MTUS2: variants seen among roughly 807,000 people sequenced by gnomAD.
The protein encoded by MTUS2 is microtubule associated scaffold protein 2.
MTUS2 carries 40 observed loss-of-function variants against 114.1 expected under a neutral mutation model. The observed-to-expected ratio is 0.35, with a 90% CI of 0.27 to 0.46. MTUS2 has a LOEUF of 0.46. Among genes scored for constraint, MTUS2 ranks in the 20% least tolerant of loss-of-function variants. The pLI is 1.00. For missense variants in MTUS2, 1,679 were observed against 1,705.4 expected (o/e 0.98, Z 0.27); for synonymous variants, 688 against 672.0 (o/e 1.02, Z -0.37).
chr13:28,915,259 G>A (rs1880681979), intron 2 of MTUS2, among the ~76,000 whole-genome samples: 1 of 151,916 alleles, frequency 6.6e-6, no homozygotes, highest in African/African-American at 2.4e-5. Flanking sequence ...AGAAACATAG[G>A]AGTGCAGATA....
intron 8 of MTUS2, among the ~76,000 whole-genome samples, chr13:29,381,964 C>T (rs59686398): frequency 0.12 from 18,819 of 152,150 alleles, 1,404 homozygotes; most frequent in African/African-American, 0.21. Flanking sequence ...ATAATCATTG[C>T]GTGTCTCCTG....
intron 6 of MTUS2, among the ~76,000 whole-genome samples, chr13:29,291,838 A>G (rs1022657548): frequency 1.3e-5 from 2 of 150,842 alleles, no homozygotes; most frequent in African/African-American, 4.9e-5. Flanking sequence ...GGGAAAACAA[A>G]GCAGAAACTC....
chr13:29,371,873 A>G (rs531015550), intron 8 of MTUS2, among the ~76,000 whole-genome samples: 33 of 151,402 alleles, frequency 2.2e-4, no homozygotes, highest in African/African-American at 7.7e-4. Flanking sequence ...TGTGCAGATA[A>G]TTTCTGGAGG....
intron 12 of MTUS2, among the ~76,000 whole-genome samples, chr13:29,495,914 ATGTG>A (rs59958046): frequency 1.1e-4 from 16 of 148,316 alleles, no homozygotes; most frequent in South Asian, 4.3e-4. Flanking sequence ...CTCTCTTTAT[ATGTG>A]TGTGTGTGTG....
chr13:28,824,829 T>C (rs552485883), intron 1 of MTUS2, among the ~76,000 whole-genome samples: 44 of 152,342 alleles, frequency 2.9e-4, no homozygotes, highest in South Asian at 1.0e-3. Context: ...GGTTAAGTAC[T>C]TAATATATCA....
intron 5 of MTUS2, among the ~76,000 whole-genome samples, chr13:29,156,261 T>C (rs1157990680): frequency 1.3e-5 from 2 of 152,190 alleles, no homozygotes; most frequent in African/African-American, 4.8e-5. Flanking sequence ...AACTGGAAAG[T>C]TGACAGCATT....
At chr13:29,282,679 T>C (rs1898321554) in intron 6 of MTUS2, among the ~76,000 whole-genome samples, 1 of 152,230 alleles carries the variant, frequency 6.6e-6, no homozygotes, top group African/African-American at 2.4e-5. Flanking sequence ...TCACCATAGA[T>C]GGCTCATCCA....
chr13:29,488,969 T>C (rs1233215849), intron 11 of MTUS2, among the ~76,000 whole-genome samples: 1 of 152,170 alleles, frequency 6.6e-6, no homozygotes, highest in Non-Finnish European at 1.5e-5. Flanking sequence ...TACTTTTCCC[T>C]CCCAGTCAGC....
intron 4 of MTUS2, among the ~76,000 whole-genome samples, chr13:29,052,995 A>G (rs137971021): frequency 6.6e-6 from 1 of 152,260 alleles, no homozygotes; most frequent in African/African-American, 2.4e-5. Context: ...GTGAAGAGGT[A>G]CCTTCCTTCA....
At chr13:29,087,636 G>A (rs2138759802) in intron 4 of MTUS2, among the ~76,000 whole-genome samples, 1 of 152,270 alleles carries the variant, frequency 6.6e-6, no homozygotes, top group Admixed American at 6.5e-5. Flanking sequence ...GTGAAAAATG[G>A]CATTGATAGT....
intron 4 of MTUS2, among the ~76,000 whole-genome samples, chr13:29,090,420 G>T (rs1318945933): frequency 6.6e-6 from 1 of 152,158 alleles, no homozygotes; most frequent in South Asian, 2.1e-4. Flanking sequence ...CTGGGGTCGT[G>T]GGGGCTGCAG....
At chr13:29,031,207 T>A (rs954387176) in intron 3 of MTUS2, among the ~76,000 whole-genome samples, 1 of 121,502 alleles carries the variant, frequency 8.2e-6, no homozygotes, top group Non-Finnish European at 1.7e-5. Context: ...ACTGCATCGA[T>A]TGGGGTTTGC....
At chr13:28,929,747 A>G (rs149704256) in intron 2 of MTUS2, among the ~76,000 whole-genome samples, 9 of 152,212 alleles carry the variant, frequency 5.9e-5, no homozygotes, top group African/African-American at 9.6e-5. Flanking sequence ...AGCACCTGCT[A>G]AGTGTCAGGT....
intron 5 of MTUS2, among the ~76,000 whole-genome samples, chr13:29,215,248 T>C (rs1895628284): frequency 6.6e-6 from 1 of 151,970 alleles, no homozygotes; most frequent in African/African-American, 2.4e-5. Flanking sequence ...GGTTGTTCTA[T>C]ATAGCAGTTC....
At chr13:28,946,987 T>A (rs1882565505) in intron 2 of MTUS2, among the ~76,000 whole-genome samples, 1 of 152,192 alleles carries the variant, frequency 6.6e-6, no homozygotes. Flanking sequence ...AACATACCTG[T>A]GAGGCAGGTA....
chr13:29,078,798 G>T (rs1048926712), intron 4 of MTUS2, among the ~76,000 whole-genome samples: 2 of 152,178 alleles, frequency 1.3e-5, no homozygotes, highest in Non-Finnish European at 2.9e-5. Flanking sequence ...AAATATTCCA[G>T]TGTATAGGTA....
chr13:29,101,546 G>A (rs894483592), intron 5 of MTUS2, among the ~76,000 whole-genome samples: 7 of 152,328 alleles, frequency 4.6e-5, no homozygotes, highest in Middle Eastern at 3.4e-3. Context: ...GCATTTTAAA[G>A]TATGAATGAA....
intron 2 of MTUS2, among the ~76,000 whole-genome samples, chr13:28,877,179 G>C (rs1332008267): frequency 6.6e-6 from 1 of 150,772 alleles, no homozygotes; most frequent in Non-Finnish European, 1.5e-5. Context: ...TTAGCTGGGC[G>C]TGGTGGCGGG....
rs971573566 is a variant in MTUS2, at chr13:29,257,289, G to A, written c.2645-24415G>A. On this transcript the variant is annotated intron_variant, in intron 5 of 15. Transcript: ENST00000612955. ...CAGAATGGAGTCCAAACTCCCTAAT[G>A]CCACCACATGGGGTGTGGAAAGGCC... Among the ~76,000 whole-genome samples the A allele has an allele frequency of 2.6e-5, 4 of 152,288 alleles. No homozygotes were observed. The South Asian group carries it at 6.2e-4, about 24-fold the overall frequency.
Sources: allele counts gnomAD v4.1 joint callset (sites outside exome capture counted in the v4.1 genomes callset), GRCh38; gene constraint gnomAD v4.1.1; transcripts MANE v1.5; gene names NCBI Gene and HGNC (gene_info 2026-07-23, HGNC 2026-07-21).